Variants in HDAC9 observed in about 807,000 individuals in gnomAD.
HDAC9 encodes MEF-2 interacting transcription repressor (MITR) protein.
HDAC9 carries 41 observed loss-of-function variants against 139.4 expected under a neutral mutation model. The observed-to-expected ratio is 0.29, with a 90% confidence interval of 0.23 to 0.38. HDAC9 has a LOEUF of 0.38. Ranked by LOEUF, HDAC9 falls within the 10% of genes least tolerant of loss-of-function variation. HDAC9 has a pLI of 1.00. For missense variants in HDAC9, 1,147 were observed against 1,297.0 expected (o/e 0.88, Z 1.78); for synonymous variants, 517 against 476.2 (o/e 1.09, Z -1.12).
chr7:18,544,934 G>A (rs905258639), intron 2 of HDAC9, among the ~76,000 whole-genome samples: 8 of 152,160 alleles, frequency 5.3e-5, no homozygotes, highest in African/African-American at 9.7e-5. Context: ...AACCTTTGGC[G>A]ATATCTGGAG....
At chr7:18,994,199 G>T (rs979308176) in intron 25 of HDAC9, among the ~76,000 whole-genome samples, 5 of 152,050 alleles carry the variant, frequency 3.3e-5, no homozygotes, top group Non-Finnish European at 5.9e-5. Context: ...ACTGAATCCT[G>T]GATTCGGGGG....
chr7:18,458,691 A>G, intron 1 of HDAC9: 1 of 522,346 alleles, frequency 1.9e-6, no homozygotes, highest in Non-Finnish European at 3.4e-6. Flanking sequence ...TTGTGGCTTA[A>G]CTAGGCAAAA....
In HDAC9 at chr7:18,632,550, T is replaced by C. The variant is rs1211940277; in HGVS notation, c.797-2077T>C. Among the ~76,000 whole-genome samples the C allele has an allele frequency of 2.0e-5, 3 of 152,024 alleles. No individual in the cohort carries two copies. In the East Asian group the frequency reaches 5.8e-4, roughly 29 times the overall value. ...GCAATGAAATGGAAAGAAAGGAGGATACAAAAGCATGAACTGGAAAAGTAT... is the reference window on the plus strand; with the variant it reads ...GCAATGAAATGGAAAGAAAGGAGGACACAAAAGCATGAACTGGAAAAGTAT... On this transcript the variant is annotated intron_variant, in intron 7 of 25. Coordinates refer to ENST00000686413, the MANE Select transcript of HDAC9 (RefSeq NM_178425.4).
intron 1 of HDAC9, among the ~76,000 whole-genome samples, chr7:18,390,095 C>T (rs899616534): frequency 5.4e-5 from 8 of 148,056 alleles, no homozygotes; most frequent in Admixed American, 4.7e-4. Context: ...CACACACACA[C>T]GTCGTAGAGA....
At chr7:18,790,837 A>G (rs1235799176) in intron 16 of HDAC9, among the ~76,000 whole-genome samples, 3 of 152,208 alleles carry the variant, frequency 2.0e-5, no homozygotes, top group South Asian at 2.1e-4. Context: ...GAGTCAAAAT[A>G]TCAGTCATCC....
At chr7:18,745,809 G>T (rs541899549) in intron 13 of HDAC9, among the ~76,000 whole-genome samples, 1 of 150,694 alleles carries the variant, frequency 6.6e-6, no homozygotes, top group Admixed American at 6.6e-5. Context: ...GCCTCCCAAA[G>T]TGCTGGGATT....
At chr7:18,234,648 C>T (rs1793695654) in intron 2 of HDAC9, among the ~76,000 whole-genome samples, 1 of 152,306 alleles carries the variant, frequency 6.6e-6, no homozygotes, top group Non-Finnish European at 1.5e-5. Context: ...TCTGTGTACT[C>T]CAGAGCCTGG....
chr7:18,966,693 T>G (rs1241139272), intron 24 of HDAC9, among the ~76,000 whole-genome samples: 1 of 147,960 alleles, frequency 6.8e-6, no homozygotes, highest in African/African-American at 2.5e-5. Flanking sequence ...AGAGCGAGAC[T>G]CCGACTCAAA....
chr7:18,122,845 C>T (rs1482750207), intron 1 of HDAC9, among the ~76,000 whole-genome samples: 1 of 152,174 alleles, frequency 6.6e-6, no homozygotes, highest in Non-Finnish European at 1.5e-5. Context: ...CCTTGAACTC[C>T]TGGCCTCAAG....
chr7:18,973,047 G>A (rs963614606), intron 24 of HDAC9, among the ~76,000 whole-genome samples: 1 of 152,178 alleles, frequency 6.6e-6, no homozygotes, highest in Non-Finnish European at 1.5e-5. Context: ...CAGAGGAAGA[G>A]GCAATTTAAA....
chr7:18,434,751 T>C (rs1026386256), intron 1 of HDAC9, among the ~76,000 whole-genome samples: 1 of 152,070 alleles, frequency 6.6e-6, no homozygotes. Context: ...CAAATGCTGA[T>C]GAGACTGTGG....
intron 1 of HDAC9, among the ~76,000 whole-genome samples, chr7:18,297,284 G>T (rs1798212597): frequency 6.6e-6 from 1 of 152,028 alleles, no homozygotes; most frequent in African/African-American, 2.4e-5. Flanking sequence ...ACTGTTTTAT[G>T]TCCACGTATA....
At chr7:18,864,237 AT>A in intron 21 of HDAC9, among the ~76,000 whole-genome samples, 1 of 152,222 alleles carries the variant, frequency 6.6e-6, no homozygotes, top group Non-Finnish European at 1.5e-5. Flanking sequence ...AACAACATGG[AT>A]GAACCCAGAG....
intron 1 of HDAC9, among the ~76,000 whole-genome samples, chr7:18,435,968 A>G (rs1420749003): frequency 1.3e-5 from 2 of 149,578 alleles, no homozygotes; most frequent in African/African-American, 4.9e-5. Context: ...AAGTATACAT[A>G]TATATGAAAT....
intron 1 of HDAC9, among the ~76,000 whole-genome samples, chr7:18,293,770 G>T (rs1254656269): frequency 6.6e-6 from 1 of 152,024 alleles, no homozygotes; most frequent in East Asian, 1.9e-4. Flanking sequence ...TTCTGGTGGG[G>T]TTGGTCACCC....
At chr7:18,895,685 A>G (rs2129274820) in intron 22 of HDAC9, among the ~76,000 whole-genome samples, 1 of 152,206 alleles carries the variant, frequency 6.6e-6, no homozygotes, top group African/African-American at 2.4e-5. Context: ...CTGAGATTTA[A>G]AAATAAAAAA....
intron 4 of HDAC9, among the ~76,000 whole-genome samples, 179 bp from the exon 5 acceptor site, chr7:18,591,337 A>G (rs1348934212): frequency 2.0e-5 from 3 of 152,184 alleles, no homozygotes; most frequent in Non-Finnish European, 2.9e-5. Context: ...TTTCTAAAGC[A>G]TATTTGGACT....
At chr7:18,405,400 A>G (rs986379071) in intron 1 of HDAC9, among the ~76,000 whole-genome samples, 1 of 152,182 alleles carries the variant, frequency 6.6e-6, no homozygotes, top group Non-Finnish European at 1.5e-5. Context: ...CTCTCCACAC[A>G]TTTTCTCCCC....
At chr7:18,550,943 A>C (rs113952646) in intron 2 of HDAC9, among the ~76,000 whole-genome samples, 3 of 152,348 alleles carry the variant, frequency 2.0e-5, no homozygotes, top group African/African-American at 7.2e-5. Context: ...GGACCCTAGC[A>C]ATCCTGTTGA....
Sources: gnomAD v4.1 joint callset for allele counts (sites outside exome capture counted in the v4.1 genomes callset) on GRCh38, gnomAD v4.1.1 for gene constraint, MANE v1.5 for transcripts, NCBI Gene and HGNC (gene_info 2026-07-23, HGNC 2026-07-21) for gene names.